The following STK38L variants were observed in gnomAD, a reference collection of about 807,000 sequenced individuals.
The protein encoded by STK38L is serine/threonine kinase 38 like.
A neutral mutation model predicts 59.7 loss-of-function variants in STK38L; 28 were observed. The observed-to-expected ratio is 0.47, with a 90% CI of 0.35 to 0.64. The LOEUF (loss-of-function observed/expected upper bound fraction) is 0.64, where lower values mean the gene tolerates loss of function less well. Among genes scored for constraint, STK38L ranks in the 30% least tolerant of loss-of-function variants. The probability of loss-of-function intolerance (pLI) is 0.01; values close to 1 mark genes in which losing one functional copy is unlikely to be tolerated. For missense variants in STK38L, 314 were observed against 555.8 expected (o/e 0.56, Z 4.37); for synonymous variants, 162 against 176.8 (o/e 0.92, Z 0.66).
At chr12:27,268,578 T>C (rs1943350911) in intron 1 of STK38L, among the ~76,000 whole-genome samples, 1 of 152,226 alleles carries the variant, frequency 6.6e-6, no homozygotes, top group African/African-American at 2.4e-5. Context: ...ACAATAAACA[T>C]ACGTGTGCAT....
chr12:27,272,383 G>T (rs1353440000), intron 1 of STK38L, among the ~76,000 whole-genome samples: 1 of 152,196 alleles, frequency 6.6e-6, no homozygotes, highest in Non-Finnish European at 1.5e-5. Flanking sequence ...GTGTATATTA[G>T]TGCAAAAGTT....
At chr12:27,316,404 C>G (rs1417497118) in intron 9 of STK38L, among the ~76,000 whole-genome samples, 1 of 152,120 alleles carries the variant, frequency 6.6e-6, no homozygotes, top group Non-Finnish European at 1.5e-5. Flanking sequence ...TCTGTACCCC[C>G]CTATTTACAA....
intron 1 of STK38L, among the ~76,000 whole-genome samples, chr12:27,266,926 CT>C (rs1943313056): frequency 6.6e-6 from 1 of 152,158 alleles, no homozygotes; most frequent in Non-Finnish European, 1.5e-5. Flanking sequence ...TATTTGACTC[CT>C]AGAACCTGTT....
At chr12:27,265,276 A>G (rs1353376004) in intron 1 of STK38L, among the ~76,000 whole-genome samples, 1 of 152,122 alleles carries the variant, frequency 6.6e-6, no homozygotes, top group Non-Finnish European at 1.5e-5. Context: ...GTATGTGTGT[A>G]TGTGTGTGTA....
chr12:27,311,797 A>C (rs556451057), intron 5 of STK38L, among the ~76,000 whole-genome samples: 78 of 151,264 alleles, frequency 5.2e-4, no homozygotes, highest in African/African-American at 1.9e-3. Context: ...ATAATGATCA[A>C]GCTGGGACCT....
chr12:27,318,863 C>T (rs1266658529), intron 11 of STK38L, among the ~76,000 whole-genome samples: 1 of 152,028 alleles, frequency 6.6e-6, no homozygotes, highest in East Asian at 1.9e-4. Context: ...AGGTGGCGGG[C>T]GCCTGTAGTC....
intron 1 of STK38L, among the ~76,000 whole-genome samples, chr12:27,295,263 C>T (rs1317278823): frequency 6.6e-6 from 1 of 152,090 alleles, no homozygotes; most frequent in Non-Finnish European, 1.5e-5. Flanking sequence ...TTGTATAAGC[C>T]ATTGTGGCTT....
chr12:27,298,038 G>A, intron 2 of STK38L, 184 bp downstream of exon 2: 1 of 663,316 alleles, frequency 1.5e-6, no homozygotes, highest in South Asian at 2.6e-5. Context: ...TTCCTGAGGT[G>A]CCCCAAGTCT....
At chr12:27,259,845 G>T (rs758643153) in intron 1 of STK38L, among the ~76,000 whole-genome samples, 1 of 152,056 alleles carries the variant, frequency 6.6e-6, no homozygotes, top group Non-Finnish European at 1.5e-5. Context: ...TCTTTTATAG[G>T]CATCCATGTT....
intron 1 of STK38L, among the ~76,000 whole-genome samples, chr12:27,247,517 A>G (rs990518202): frequency 2.4e-4 from 36 of 152,354 alleles, no homozygotes; most frequent in African/African-American, 8.7e-4. Flanking sequence ...CCATTTTTGG[A>G]AGTTATTCTT....
At chr12:27,268,053 C>T (rs1943336482) in intron 1 of STK38L, among the ~76,000 whole-genome samples, 1 of 151,970 alleles carries the variant, frequency 6.6e-6, no homozygotes. Flanking sequence ...GTATTTAATC[C>T]TTTGTTTTTA....
chr12:27,297,819 C>T lies in STK38L; in HGVS notation c.99C>T (p.Ser33=). 1 of 1,613,952 alleles carries T rather than the reference C, an allele frequency of 6.2e-7. No homozygotes were observed. Among genetic ancestry groups the T allele is most frequent in the Non-Finnish European group, 8.5e-7 (1 of 1,179,954 alleles). ...VAKLTLENFY[S]NLILQHEERE... ...AGCTCACATTGGAGAATTTTTATAG[C>T]AACCTAATTTTACAGCATGAAGAGA... The change falls in exon 2 of 14, where the codon AGC becomes AGT. Residue 33 remains serine (S), a synonymous_variant. Coordinates refer to ENST00000389032, the MANE Select transcript of STK38L (RefSeq NM_015000.4).
In STK38L at chr12:27,315,003, A is replaced by AT. The variant is rs759405089; in HGVS notation, c.673-3dup. 5.5e-4 allele frequency: 847 copies of AT among 1,534,286 alleles called. 1 individual carries two copies. Among genetic ancestry groups the AT allele is most frequent in the South Asian group, 7.6e-4 (63 of 83,082 alleles). On this transcript the variant is annotated splice_polypyrimidine_tract_variant and intron_variant, in intron 7 of 13. Coordinates refer to ENST00000389032, the MANE Select transcript of STK38L (RefSeq NM_015000.4). ...AGTTAATATGATCTAATTTTACTGG[A>AT]TTTTTTTTTAGGGTCATGTAAAATT...
At position 27,313,248 on chromosome 12, in the gene STK38L, CAA is replaced by C. The variant is rs748176392; in HGVS notation, c.517+593_517+594del. On this transcript the variant is annotated intron_variant, in intron 6 of 13. Coordinates refer to ENST00000389032, the MANE Select transcript of STK38L (RefSeq NM_015000.4). Reference sequence around the variant, plus strand: ...GGGCGAAAACAGCGAGACTACGTCTCAAAAAAAAAAAAAAAAAATACCTGAGA... The same window carrying C: ...GGGCGAAAACAGCGAGACTACGTCTCAAAAAAAAAAAAAAAATACCTGAGA... Among the ~76,000 whole-genome samples, 404 of 105,798 alleles carry C rather than the reference CAA, an allele frequency of 3.8e-3. 1 individual carries two copies. The highest frequency in any genetic ancestry group is 9.0e-3 in the African/African-American group (269 of 29,804). 69.4% of individuals were successfully genotyped at this position (105,798 alleles called of 152,430 possible). A position where few individuals can be genotyped will look rare whatever the true frequency, so the allele number is the denominator to read the frequency against.
intron 1 of STK38L, among the ~76,000 whole-genome samples, chr12:27,281,498 A>G (rs1179093835): frequency 6.6e-6 from 1 of 152,214 alleles, no homozygotes; most frequent in African/African-American, 2.4e-5. Context: ...TCCAGTTGAG[A>G]GGCCTCTGGT....
In STK38L at chr12:27,317,893, T is replaced by C. The variant is rs758456187; in HGVS notation, c.956-3T>C. On this transcript the variant is annotated splice_region_variant and splice_polypyrimidine_tract_variant and intron_variant, in intron 10 of 13. Coordinates refer to ENST00000389032, the MANE Select transcript of STK38L (RefSeq NM_015000.4). Reference sequence around the variant, plus strand: ...AAACATTTTTGATTTATTTGATACATAGGATATCCACCTTTCTGCTCTGAA... The same window carrying C: ...AAACATTTTTGATTTATTTGATACACAGGATATCCACCTTTCTGCTCTGAA... 8 of 1,613,214 alleles carry C rather than the reference T, an allele frequency of 5.0e-6. No homozygotes were observed. Among genetic ancestry groups the C allele is most frequent in the African/African-American group, 1.3e-5 (1 of 74,916 alleles).
chr12:27,276,172 A>G (rs1174545349), intron 1 of STK38L, among the ~76,000 whole-genome samples: 2 of 152,224 alleles, frequency 1.3e-5, no homozygotes, highest in African/African-American at 4.8e-5. Context: ...CACATCACCA[A>G]CTTAAACAGT....
At chr12:27,301,198 G>C (rs1221902048) in intron 2 of STK38L, among the ~76,000 whole-genome samples, 1 of 152,164 alleles carries the variant, frequency 6.6e-6, no homozygotes, top group Non-Finnish European at 1.5e-5. Flanking sequence ...TAAAAAAAAT[G>C]AATAACTGAA....
intron 1 of STK38L, among the ~76,000 whole-genome samples, chr12:27,283,920 G>A (rs904826283): frequency 3.3e-5 from 5 of 152,140 alleles, no homozygotes; most frequent in South Asian, 2.1e-4. Flanking sequence ...CTAAATATAC[G>A]TTTAGAAGTA....
Sources: gnomAD v4.1 joint callset for allele counts (sites outside exome capture counted in the v4.1 genomes callset) on GRCh38, gnomAD v4.1.1 for gene constraint, MANE v1.5 for transcripts, NCBI Gene and HGNC (gene_info 2026-07-23, HGNC 2026-07-21) for gene names.